MAF: variants seen among roughly 807,000 people sequenced by gnomAD.
The protein encoded by MAF is MAF bZIP transcription factor, also known as transcription factor Maf.
Under a neutral mutation model 22.0 loss-of-function variants are expected in MAF, and 10 were observed. That is an observed-to-expected ratio of 0.45 (90% confidence interval 0.28 to 0.77). The LOEUF is 0.77. Among genes scored for constraint, MAF ranks in the 30% least tolerant of loss-of-function variants. MAF has a pLI of 0.12. For missense variants in MAF, 544 were observed against 548.4 expected, an observed-to-expected ratio of 0.99 and a Z score of 0.08; for synonymous variants, 337 against 255.8, an observed-to-expected ratio of 1.32 and a Z score of -3.03.
At chr16:79,592,510 C>A (rs1009999231), downstream of MAF, among the ~76,000 whole-genome samples, 1 of 152,234 alleles carries the variant, frequency 6.6e-6, no homozygotes. Flanking sequence ...TCTTGCTCCG[C>A]TTTTAAGCAA....
chr16:79,507,174 C>A, the MAF span, among the ~76,000 whole-genome samples: 6 of 146,660 alleles, frequency 4.1e-5, no homozygotes, highest in African/African-American at 1.6e-4. Flanking sequence ...AGTGCAGGGG[C>A]GTGATCTCGG....
chr16:79,334,511 G>C, the MAF span, among the ~76,000 whole-genome samples: 2 of 152,114 alleles, frequency 1.3e-5, no homozygotes, highest in Admixed American at 1.3e-4. Context: ...TGGTTACATG[G>C]GTGTAGACAT....
chr16:79,371,919 C>G, the MAF span, among the ~76,000 whole-genome samples: 1 of 152,196 alleles, frequency 6.6e-6, no homozygotes, highest in South Asian at 2.1e-4. Flanking sequence ...TCCCAAGCTT[C>G]GCTTTTTCTC....
the MAF span, among the ~76,000 whole-genome samples, chr16:79,405,253 T>G: frequency 6.6e-6 from 1 of 152,182 alleles, no homozygotes; most frequent in African/African-American, 2.4e-5. Context: ...GGTGTCTCCC[T>G]ATGTTCTCAT....
chr16:79,211,698 A>C, the MAF span: 1 of 1,614,234 alleles, frequency 6.2e-7, no homozygotes, highest in South Asian at 1.1e-5. Flanking sequence ...CTGCCGCTGC[A>C]TGCCCTCACC....
At chr16:79,552,165 G>A in the MAF span, among the ~76,000 whole-genome samples, 1 of 151,954 alleles carries the variant, frequency 6.6e-6, no homozygotes, top group African/African-American at 2.4e-5. Context: ...CTCTTCCTGG[G>A]AAGATGATCC....
At chr16:79,211,290 C>A in the MAF span, among the ~76,000 whole-genome samples, 1 of 152,124 alleles carries the variant, frequency 6.6e-6, no homozygotes, top group African/African-American at 2.4e-5. Flanking sequence ...CAGAAGGATA[C>A]CATCTTTTTC....
the MAF span, among the ~76,000 whole-genome samples, chr16:79,238,465 A>C: frequency 6.6e-6 from 1 of 152,044 alleles, no homozygotes; most frequent in Non-Finnish European, 1.5e-5. Context: ...CAGTAAAGAA[A>C]GTGGAATCTG....
chr16:79,593,255 A>G (rs73587063), downstream of MAF, among the ~76,000 whole-genome samples: 1,558 of 152,244 alleles, frequency 0.01, 29 homozygotes, highest in African/African-American at 0.036. Flanking sequence ...CAGCAGCAAA[A>G]GCCTCCCAAT....
chr16:79,516,900 C>T, the MAF span, among the ~76,000 whole-genome samples: 1 of 152,180 alleles, frequency 6.6e-6, no homozygotes, highest in Non-Finnish European at 1.5e-5. Flanking sequence ...GTTGCTTTTT[C>T]ATACGATTTC....
the MAF span, among the ~76,000 whole-genome samples, chr16:79,387,417 A>G: frequency 6.6e-6 from 1 of 152,194 alleles, no homozygotes; most frequent in Admixed American, 6.5e-5. Flanking sequence ...AACATCCACT[A>G]CTAAAGGAGA....
At chr16:79,265,787 T>C in the MAF span, among the ~76,000 whole-genome samples, 2 of 152,182 alleles carry the variant, frequency 1.3e-5, no homozygotes, top group African/African-American at 4.8e-5. Flanking sequence ...AGCTTCTCTT[T>C]GGCATATCTG....
chr16:79,588,497 C>G lies in MAF; in HGVS notation c.1119-2556G>C, dbSNP rs1187059504. 2.6e-5 allele frequency among the ~76,000 whole-genome samples: 4 copies of G among 152,102 alleles called. No homozygotes were observed. The South Asian group carries it at 8.3e-4, about 32-fold the overall frequency. On this transcript the variant is annotated intron_variant, in intron 1 of 1. Transcript: ENST00000569649. ...TTGCCCAGGCTTGAGTGCAGTGGCGCAATCTGGGCTTACTGCAACCTCCGC... is the reference window on the plus strand; with the variant it reads ...TTGCCCAGGCTTGAGTGCAGTGGCGGAATCTGGGCTTACTGCAACCTCCGC...
chr16:79,245,464 C>T, the MAF span, among the ~76,000 whole-genome samples: 2 of 152,198 alleles, frequency 1.3e-5, no homozygotes, highest in South Asian at 2.1e-4. Context: ...AAAAGCTCAT[C>T]ATCACTGGTC....
At chr16:79,548,372 A>C in the MAF span, among the ~76,000 whole-genome samples, 1 of 152,202 alleles carries the variant, frequency 6.6e-6, no homozygotes, top group South Asian at 2.1e-4. Flanking sequence ...AAACCATAAA[A>C]TCCAATTGTG....
chr16:79,499,507 A>G, the MAF span, among the ~76,000 whole-genome samples: 6,526 of 152,272 alleles, frequency 0.043, 470 homozygotes, highest in African/African-American at 0.15. Flanking sequence ...TTGAAATCCA[A>G]TCATCAATGT....
At chr16:79,390,944 C>T in the MAF span, among the ~76,000 whole-genome samples, 1 of 152,206 alleles carries the variant, frequency 6.6e-6, no homozygotes, top group Non-Finnish European at 1.5e-5. Context: ...TTCTGGGCTA[C>T]TGTCTCTCAG....
At chr16:79,295,764 C>T in the MAF span, among the ~76,000 whole-genome samples, 1 of 152,224 alleles carries the variant, frequency 6.6e-6, no homozygotes, top group Admixed American at 6.5e-5. Context: ...GTGTCAGGCA[C>T]AGTGGTAAGT....
At chr16:79,597,631 A>G in intron 1 of MAF, 1 of 1,022,226 alleles carries the variant, frequency 9.8e-7, no homozygotes, top group Non-Finnish European at 1.2e-6. Context: ...GCAAAATTTC[A>G]TGGGAAGAAG....
Sources: gnomAD v4.1 joint callset for allele counts (sites outside exome capture counted in the v4.1 genomes callset) on GRCh38, gnomAD v4.1.1 for gene constraint, MANE v1.5 for transcripts, NCBI Gene and HGNC (gene_info 2026-07-23, HGNC 2026-07-21) for gene names.